MBOAT2: variants seen among roughly 807,000 people sequenced by gnomAD.
MBOAT2 encodes membrane bound glycerophospholipid O-acyltransferase 2, also known as membrane-bound glycerophospholipid O-acyltransferase 2.
In MBOAT2, 28 loss-of-function variants were observed where a neutral mutation model predicts 63.4. That is an observed-to-expected ratio of 0.44 (90% CI 0.33 to 0.61). The LOEUF (loss-of-function observed/expected upper bound fraction) is 0.61, where lower values mean the gene tolerates loss of function less well. Ranked by LOEUF, MBOAT2 falls within the 20% of genes least tolerant of loss-of-function variation. The pLI, the probability that MBOAT2 is intolerant of heterozygous loss-of-function variation, is 0.03. For missense variants in MBOAT2, 470 were observed against 605.8 expected (o/e 0.78, Z 2.35); for synonymous variants, 211 against 215.6 (o/e 0.98, Z 0.19).
At chr2:8,994,283 A>G (rs1246889267) in intron 1 of MBOAT2, among the ~76,000 whole-genome samples, 2 of 152,242 alleles carry the variant, frequency 1.3e-5, no homozygotes, top group Non-Finnish European at 2.9e-5. Context: ...AGTAGAATAC[A>G]GTGAAAGCGG....
intron 1 of MBOAT2, among the ~76,000 whole-genome samples, chr2:8,983,987 T>A (rs1671377734): frequency 6.6e-6 from 1 of 152,146 alleles, no homozygotes; most frequent in African/African-American, 2.4e-5. Context: ...AAATCATGAA[T>A]AAAATGTTAC....
chr2:8,949,125 T>C (rs1036058802), intron 2 of MBOAT2, among the ~76,000 whole-genome samples: 1 of 152,220 alleles, frequency 6.6e-6, no homozygotes, highest in African/African-American at 2.4e-5. Flanking sequence ...TGAACACTTG[T>C]ATGTCTTCTT....
At chr2:8,951,854 T>C (rs993400583) in intron 2 of MBOAT2, among the ~76,000 whole-genome samples, 1 of 152,244 alleles carries the variant, frequency 6.6e-6, no homozygotes, top group Non-Finnish European at 1.5e-5. Flanking sequence ...ATTGGTCCTC[T>C]TTATCCTTTT....
chr2:8,983,376 C>A (rs1671336799), intron 1 of MBOAT2, among the ~76,000 whole-genome samples: 1 of 152,040 alleles, frequency 6.6e-6, no homozygotes, highest in Admixed American at 6.6e-5. Context: ...ATTTAAACAG[C>A]CCTGTAACTG....
chr2:8,956,475 C>T (rs1169152578), intron 2 of MBOAT2, among the ~76,000 whole-genome samples: 2 of 152,142 alleles, frequency 1.3e-5, no homozygotes, highest in East Asian at 3.9e-4. Flanking sequence ...TCGAGCTGGG[C>T]AGACTGCTTG....
intron 3 of MBOAT2, among the ~76,000 whole-genome samples, chr2:8,936,940 T>C (rs1165949706): frequency 2.0e-5 from 3 of 152,164 alleles, no homozygotes; most frequent in Non-Finnish European, 4.4e-5. Context: ...ACACGCCACA[T>C]TGTGCTGCCT....
chr2:8,976,453 G>A (rs995937202), intron 1 of MBOAT2, among the ~76,000 whole-genome samples: 3 of 151,994 alleles, frequency 2.0e-5, no homozygotes, highest in African/African-American at 4.8e-5. Context: ...TTCAGTAGGC[G>A]ACCTACTGAA....
At chr2:8,982,102 C>G (rs183081880) in intron 1 of MBOAT2, among the ~76,000 whole-genome samples, 1 of 152,090 alleles carries the variant, frequency 6.6e-6, no homozygotes, top group African/African-American at 2.4e-5. Context: ...GGCTGCTGTC[C>G]GGATTAAGCG....
rs565025403 is a variant in MBOAT2, at chr2:9,003,128, G to A, written c.75+412C>T. 6.6e-6 allele frequency among the ~76,000 whole-genome samples: 1 copy of A among 152,240 alleles called. No homozygotes were observed. Among genetic ancestry groups the A allele is most frequent in the Non-Finnish European group, 1.5e-5 (1 of 67,986 alleles). On this transcript the variant is annotated intron_variant, in intron 1 of 12. Coordinates refer to ENST00000305997, the MANE Select transcript of MBOAT2 (RefSeq NM_138799.4). This position sits in a 1 kb window ranked among gnomAD's most constrained non-coding sequence, Gnocchi z 5.4. ...GCGCGGGGCAGGCAGCACCACGCCA[G>A]GCTCCCCAAAGCGCAGCCTTCCGCA...
intron 1 of MBOAT2, among the ~76,000 whole-genome samples, chr2:8,986,846 A>G (rs1380205491): frequency 6.6e-6 from 1 of 151,974 alleles, no homozygotes; most frequent in Non-Finnish European, 1.5e-5. Context: ...ACGCGAGCAC[A>G]CCCCCAAGTG....
intron 6 of MBOAT2, 123 bp downstream of exon 6, chr2:8,882,388 G>A: frequency 2.1e-6 from 2 of 966,100 alleles, no homozygotes; most frequent in South Asian, 3.0e-5. Context: ...CATGGAGAGA[G>A]TGAGGCTTGA....
intron 1 of MBOAT2, among the ~76,000 whole-genome samples, chr2:8,963,748 A>G (rs1669793185): frequency 6.6e-6 from 1 of 152,264 alleles, no homozygotes; most frequent in South Asian, 2.1e-4. Flanking sequence ...ATGTATATAC[A>G]TTCATTTATT....
At chr2:8,892,260 G>A (rs1245508603) in intron 4 of MBOAT2, among the ~76,000 whole-genome samples, 1 of 152,152 alleles carries the variant, frequency 6.6e-6, no homozygotes, top group African/African-American at 2.4e-5. Flanking sequence ...TTGCCACCAG[G>A]ACATGTGTTA....
intron 3 of MBOAT2, among the ~76,000 whole-genome samples, chr2:8,933,120 T>A (rs1056595679): frequency 6.6e-6 from 1 of 152,196 alleles, no homozygotes; most frequent in Non-Finnish European, 1.5e-5. Flanking sequence ...GATGGTTGCA[T>A]GGGCTCTTAA....
rs1670628213 is a variant in MBOAT2, at chr2:8,973,777, A to T, written c.76-15135T>A. Among the ~76,000 whole-genome samples, 3 of 152,180 alleles carry T rather than the reference A, an allele frequency of 2.0e-5. No individual in the cohort carries two copies. In the South Asian group the frequency reaches 6.2e-4, roughly 32 times the overall value. ...GAAATTAAAATCAAAGTAAAATAAC[A>T]TTTTCATCTATCAGATAGACTTCAG... On this transcript the variant is annotated intron_variant, in intron 1 of 12. Coordinates refer to ENST00000305997, the MANE Select transcript of MBOAT2 (RefSeq NM_138799.4).
chr2:8,970,907 A>G (rs1670398410), intron 1 of MBOAT2, among the ~76,000 whole-genome samples: 1 of 150,160 alleles, frequency 6.7e-6, no homozygotes, highest in Non-Finnish European at 1.5e-5. Flanking sequence ...AAAAGTCCAG[A>G]CACATTCACA....
intron 1 of MBOAT2, among the ~76,000 whole-genome samples, chr2:8,980,276 A>T (rs562950752): frequency 3.3e-5 from 5 of 152,286 alleles, no homozygotes; most frequent in African/African-American, 9.6e-5. Flanking sequence ...TGCCACAGGA[A>T]TGCACCTACC....
intron 1 of MBOAT2, among the ~76,000 whole-genome samples, chr2:8,991,570 G>T (rs1166352349): frequency 2.0e-5 from 3 of 152,144 alleles, no homozygotes; most frequent in African/African-American, 7.2e-5. Flanking sequence ...GCATTATGTA[G>T]TCCTCAGTGC....
At chr2:8,966,874 G>A (rs1481070613) in intron 1 of MBOAT2, among the ~76,000 whole-genome samples, 2 of 152,192 alleles carry the variant, frequency 1.3e-5, no homozygotes, top group Non-Finnish European at 2.9e-5. Context: ...ATGGGGACTA[G>A]GAGAGGCATG....
Sources: allele counts gnomAD v4.1 joint callset (sites outside exome capture counted in the v4.1 genomes callset), GRCh38; gene constraint gnomAD v4.1.1; non-coding constraint Gnocchi (gnomAD v3.1); transcripts MANE v1.5; gene names NCBI Gene and HGNC (gene_info 2026-07-23, HGNC 2026-07-21).